INPP4B: variants seen among roughly 807,000 people sequenced by gnomAD.
The protein encoded by INPP4B is inositol polyphosphate-4-phosphatase type II B.
Under a neutral mutation model 122.5 loss-of-function variants are expected in INPP4B, and 55 were observed. The observed-to-expected ratio is 0.45, with a 90% CI of 0.36 to 0.56. The LOEUF is 0.56. Ranked by LOEUF, INPP4B falls within the 20% of genes least tolerant of loss-of-function variation. INPP4B has a pLI of 0.00. For missense variants in INPP4B, 1,000 were observed against 1,097.7 expected (o/e 0.91, Z 1.26); for synonymous variants, 403 against 388.7 (o/e 1.04, Z -0.43).
intron 2 of INPP4B, among the ~76,000 whole-genome samples, chr4:142,706,093 G>C (rs1474871688): frequency 6.6e-6 from 1 of 152,116 alleles, no homozygotes; most frequent in Non-Finnish European, 1.5e-5. Context: ...CAGGTAATTT[G>C]CTTCCATTCT....
intron 1 of INPP4B, among the ~76,000 whole-genome samples, chr4:142,806,991 G>A (rs1223865625): frequency 1.3e-5 from 2 of 152,150 alleles, no homozygotes; most frequent in South Asian, 2.1e-4. Context: ...ATGTTCATCC[G>A]ACAAAAAATC....
chr4:142,821,435 A>G (rs1780779249), intron 1 of INPP4B, among the ~76,000 whole-genome samples: 1 of 152,096 alleles, frequency 6.6e-6, no homozygotes, highest in Non-Finnish European at 1.5e-5. Flanking sequence ...TGTTGCTTAG[A>G]ATAATCCAAA....
At chr4:142,404,138 A>G (rs1324368025) in intron 6 of INPP4B, among the ~76,000 whole-genome samples, 1 of 152,204 alleles carries the variant, frequency 6.6e-6, no homozygotes, top group Non-Finnish European at 1.5e-5. Context: ...TAATTCAACT[A>G]TAGCATTAAC....
chr4:142,275,132 A>AGACTAAAGTGTTTTAGAAAACACTTC (rs1747770196), intron 9 of INPP4B, among the ~76,000 whole-genome samples: 2 of 151,832 alleles, frequency 1.3e-5, no homozygotes, highest in African/African-American at 4.8e-5. Context: ...GAACACATTA[A>AGACTAAAGTGTTTTAGAAAACACTTC]TATTTTTAGA....
At chr4:142,469,230 A>C (rs1337377730) in intron 2 of INPP4B, among the ~76,000 whole-genome samples, 1 of 152,108 alleles carries the variant, frequency 6.6e-6, no homozygotes, top group Non-Finnish European at 1.5e-5. Flanking sequence ...ATAATAGCAA[A>C]AAATAGAAAA....
intron 17 of INPP4B, among the ~76,000 whole-genome samples, chr4:142,155,433 T>C (rs765254618): frequency 2.0e-5 from 3 of 152,164 alleles, no homozygotes; most frequent in Non-Finnish European, 4.4e-5. Flanking sequence ...CCTATGGAGA[T>C]ACCTGGCTAA....
At chr4:142,816,030 C>A (rs1176591625) in intron 1 of INPP4B, among the ~76,000 whole-genome samples, 1 of 152,062 alleles carries the variant, frequency 6.6e-6, no homozygotes, top group East Asian at 1.9e-4. Flanking sequence ...GTGTCCCCAC[C>A]AGTGTTTCTG....
chr4:142,840,416 T>G (rs1783340873), intron 1 of INPP4B, among the ~76,000 whole-genome samples: 1 of 152,180 alleles, frequency 6.6e-6, no homozygotes, highest in Admixed American at 6.5e-5. Flanking sequence ...TCATGTTCAT[T>G]TAATTTTTTT....
intron 2 of INPP4B, among the ~76,000 whole-genome samples, chr4:142,643,537 G>A (rs1212219677): frequency 6.6e-6 from 1 of 152,136 alleles, no homozygotes; most frequent in Admixed American, 6.6e-5. Flanking sequence ...TGTTCACTTT[G>A]ATAAATCATT....
intron 2 of INPP4B, among the ~76,000 whole-genome samples, chr4:142,633,251 G>A (rs2150434473): frequency 6.6e-6 from 1 of 151,954 alleles, no homozygotes; most frequent in South Asian, 2.1e-4. Flanking sequence ...AATATAGAAA[G>A]CAAATATTTA....
chr4:142,438,681 A>G (rs1811057924), intron 3 of INPP4B, among the ~76,000 whole-genome samples: 1 of 152,064 alleles, frequency 6.6e-6, no homozygotes, highest in African/African-American at 2.4e-5. Flanking sequence ...CAACTGCAAC[A>G]AAAGCAAAAT....
At chr4:142,239,193 A>C (rs1561575993) in intron 11 of INPP4B, among the ~76,000 whole-genome samples, 2 of 152,072 alleles carry the variant, frequency 1.3e-5, no homozygotes, top group Non-Finnish European at 2.9e-5. Context: ...ATCCATTCTC[A>C]AAGGTACACT....
intron 9 of INPP4B, among the ~76,000 whole-genome samples, chr4:142,288,116 G>A (rs1423452158): frequency 6.6e-6 from 1 of 152,024 alleles, no homozygotes; most frequent in Non-Finnish European, 1.5e-5. Flanking sequence ...TGGAGGGTAG[G>A]GCCTCAATAT....
chr4:142,527,932 C>T lies in INPP4B; in HGVS notation c.-190-65206G>A, dbSNP rs139437901. Among the ~76,000 whole-genome samples the T allele has an allele frequency of 1.2e-3, 179 of 151,740 alleles. 3 individuals are homozygous for T. In the East Asian group the frequency reaches 0.028, roughly 24 times the overall value. On this transcript the variant is annotated intron_variant, in intron 2 of 25. Coordinates refer to ENST00000262992, the MANE Select transcript of INPP4B (RefSeq NM_001101669.3). ...CACTGGTGGTACAAATAAAATGGTA[C>T]GTAAAATTGCCTTAGAATAAATCAA...
chr4:142,347,631 T>C, intron 7 of INPP4B: 1 of 352,066 alleles, frequency 2.8e-6, no homozygotes, highest in South Asian at 2.3e-5. Flanking sequence ...TAAATTTCAA[T>C]AAAAATAGTT....
intron 2 of INPP4B, among the ~76,000 whole-genome samples, chr4:142,694,404 A>G (rs1000768707): frequency 5.3e-5 from 8 of 151,932 alleles, no homozygotes; most frequent in Non-Finnish European, 8.8e-5. Context: ...AAAAAGAAAA[A>G]AAAAACCCTT....
At chr4:142,086,790 T>C (rs1050907658) in intron 23 of INPP4B, among the ~76,000 whole-genome samples, 3 of 152,330 alleles carry the variant, frequency 2.0e-5, no homozygotes, top group African/African-American at 7.2e-5. Flanking sequence ...TGTATAACTA[T>C]GGTAATATCA....
At chr4:142,214,988 C>T (rs1011311142) in intron 12 of INPP4B, among the ~76,000 whole-genome samples, 1 of 152,188 alleles carries the variant, frequency 6.6e-6, no homozygotes, top group Non-Finnish European at 1.5e-5. Context: ...ACCAGATATG[C>T]CAGTTTACAC....
intron 2 of INPP4B, among the ~76,000 whole-genome samples, chr4:142,524,698 T>A (rs1336685365): frequency 6.6e-6 from 1 of 152,244 alleles, no homozygotes; most frequent in African/African-American, 2.4e-5. Flanking sequence ...CACTTCATGC[T>A]AAAAACTCTC....
Sources: gnomAD v4.1 joint callset for allele counts (sites outside exome capture counted in the v4.1 genomes callset) on GRCh38, gnomAD v4.1.1 for gene constraint, MANE v1.5 for transcripts, NCBI Gene and HGNC (gene_info 2026-07-23, HGNC 2026-07-21) for gene names.